The following ZNF536 variants were observed in gnomAD, a reference collection of about 807,000 sequenced individuals.
ZNF536 encodes zinc finger protein 536.
Under a neutral mutation model 84.5 loss-of-function variants are expected in ZNF536, and 13 were observed. That is an observed-to-expected ratio of 0.15 (90% confidence interval 0.10 to 0.24). The LOEUF (loss-of-function observed/expected upper bound fraction) is 0.24. ZNF536 is among the 10% of genes least tolerant of loss of function. The pLI is 1.00. For missense variants in ZNF536, 1,536 were observed against 1,747.5 expected, an observed-to-expected ratio of 0.88 and a Z score of 2.16; for synonymous variants, 811 against 742.5, an observed-to-expected ratio of 1.09 and a Z score of -1.50.
chr19:30,592,469 C>T (rs2047309720), intron 1 of ZNF536, among the ~76,000 whole-genome samples: 1 of 152,126 alleles, frequency 6.6e-6, no homozygotes, highest in South Asian at 2.1e-4. Context: ...GAACCAAGGC[C>T]TCCTTTGCTC....
intron 1 of ZNF536, among the ~76,000 whole-genome samples, chr19:30,244,245 C>G (rs2024123587): frequency 6.6e-6 from 1 of 152,158 alleles, no homozygotes. Flanking sequence ...TCCTTTCCAC[C>G]TGACCCATCC....
intron 1 of ZNF536, among the ~76,000 whole-genome samples, chr19:30,698,744 C>G (rs561599231): frequency 6.6e-6 from 1 of 152,316 alleles, no homozygotes; most frequent in Non-Finnish European, 1.5e-5. Context: ...TGGCTGAGGT[C>G]ATGTTTGTCT....
intron 1 of ZNF536, among the ~76,000 whole-genome samples, chr19:30,274,569 A>C (rs1483988884): frequency 2.0e-5 from 3 of 152,232 alleles, no homozygotes; most frequent in Admixed American, 2.0e-4. Flanking sequence ...CAGCTTGGAC[A>C]GTGCAGTTCT....
At chr19:30,599,981 T>G (rs2047624578) in intron 1 of ZNF536, among the ~76,000 whole-genome samples, 1 of 119,580 alleles carries the variant, frequency 8.4e-6, no homozygotes, top group Non-Finnish European at 2.1e-5. Flanking sequence ...TTCCACGGAG[T>G]GTCACTGGGG....
chr19:30,568,426 T>C (rs1371441602), intron 1 of ZNF536, among the ~76,000 whole-genome samples: 2 of 152,216 alleles, frequency 1.3e-5, no homozygotes, highest in African/African-American at 4.8e-5. Context: ...TATGTTAAAA[T>C]TGAATTGATG....
chr19:30,353,044 G>A (rs892974477), intron 3 of ZNF536, among the ~76,000 whole-genome samples: 4 of 152,220 alleles, frequency 2.6e-5, no homozygotes, highest in Non-Finnish European at 5.9e-5. Flanking sequence ...TCGCTGAAAT[G>A]TGGAAAAGTG....
At chr19:30,652,785 A>G (rs2049757201) in intron 1 of ZNF536, among the ~76,000 whole-genome samples, 1 of 152,116 alleles carries the variant, frequency 6.6e-6, no homozygotes, top group African/African-American at 2.4e-5. Flanking sequence ...GCTGAGTGGC[A>G]TTGTTCCGGT....
At chr19:30,456,644 ATTTG>A (rs2052861029) in intron 2 of ZNF536, among the ~76,000 whole-genome samples, 1 of 152,118 alleles carries the variant, frequency 6.6e-6, no homozygotes, top group Non-Finnish European at 1.5e-5. Context: ...AAATACACTC[ATTTG>A]TTTGTTCAAT....
At chr19:30,437,375 A>G (rs1416169460) in intron 1 of ZNF536, among the ~76,000 whole-genome samples, 1 of 152,248 alleles carries the variant, frequency 6.6e-6, no homozygotes, top group Non-Finnish European at 1.5e-5. Context: ...AATAACCATT[A>G]GCACCATCAA....
intron 1 of ZNF536, among the ~76,000 whole-genome samples, chr19:30,400,294 T>A (rs1279821052): frequency 1.3e-5 from 2 of 152,182 alleles, no homozygotes; most frequent in Non-Finnish European, 2.9e-5. Flanking sequence ...TTTTATTTTT[T>A]AAGAAAATGT....
At chr19:30,614,784 G>A (rs926768221) in intron 1 of ZNF536, among the ~76,000 whole-genome samples, 2 of 150,308 alleles carry the variant, frequency 1.3e-5, no homozygotes, top group African/African-American at 2.4e-5. Context: ...TATTTTTCCC[G>A]GTTTGCCATA....
chr19:30,235,911 C>T (rs972242071), intron 1 of ZNF536, among the ~76,000 whole-genome samples: 2 of 152,202 alleles, frequency 1.3e-5, no homozygotes, highest in Non-Finnish European at 2.9e-5. Flanking sequence ...AAATCTGCAC[C>T]GAGCAGAGAG....
rs756153627 is a variant in ZNF536 at position 30,443,576 on chromosome 19, G to A, written c.14G>A (p.Ser5Asn). The A allele has an allele frequency of 2.1e-5, 33 of 1,551,198 alleles. No homozygotes were observed. Among genetic ancestry groups the A allele is most frequent in the Non-Finnish European group, 2.8e-5 (32 of 1,151,822 alleles). ...CTCTTTTCAGGGATGGAAGAAGCGAGCCTGTGCCTTGGAGTGTCTTCGGCG... is the reference window on the plus strand; with the variant it reads ...CTCTTTTCAGGGATGGAAGAAGCGAACCTGTGCCTTGGAGTGTCTTCGGCG... MEEA[S>N]LCLGVSSAEP... is the part of the protein sequence containing the mutation. The change falls in exon 2 of 5, where the codon AGC becomes AAC. Residue 5 changes from serine to asparagine, a missense_variant. By Grantham distance (46) the Ser-to-Asn change is conservative. Transcript: ENST00000355537.
intron 2 of ZNF536, among the ~76,000 whole-genome samples, chr19:30,472,593 C>T (rs987772748): frequency 2.0e-5 from 3 of 152,178 alleles, no homozygotes; most frequent in Admixed American, 1.3e-4. Flanking sequence ...GATGGATAAA[C>T]GCACTTCGAG....
chr19:30,395,807 T>A (rs927049336), intron 1 of ZNF536, among the ~76,000 whole-genome samples: 11 of 152,350 alleles, frequency 7.2e-5, no homozygotes, highest in Admixed American at 2.0e-4. Flanking sequence ...GTCAGTTACA[T>A]TTTTGTTTTC....
intron 1 of ZNF536, among the ~76,000 whole-genome samples, chr19:30,612,162 T>C (rs1263048339): frequency 6.6e-6 from 1 of 152,226 alleles, no homozygotes; most frequent in African/African-American, 2.4e-5. Context: ...ACTCTTTTAT[T>C]GAGTTTTATG....
chr19:30,411,880 G>A (rs2050510323), intron 1 of ZNF536, among the ~76,000 whole-genome samples: 1 of 151,970 alleles, frequency 6.6e-6, no homozygotes, highest in South Asian at 2.1e-4. Context: ...AAAAATTTAT[G>A]TATTTATGAT....
At chr19:30,313,131 G>A (rs545067057) in intron 2 of ZNF536, among the ~76,000 whole-genome samples, 81 of 152,314 alleles carry the variant, frequency 5.3e-4, no homozygotes, top group African/African-American at 1.9e-3. Context: ...CACAGAGCCC[G>A]GGGCACTCAC....
intron 1 of ZNF536, among the ~76,000 whole-genome samples, chr19:30,385,781 T>C (rs980273670): frequency 6.6e-6 from 1 of 152,184 alleles, no homozygotes; most frequent in Non-Finnish European, 1.5e-5. Flanking sequence ...GCCTCCATCA[T>C]GAATCTCCTG....
Sources: gnomAD v4.1 joint callset for allele counts (sites outside exome capture counted in the v4.1 genomes callset) on GRCh38, gnomAD v4.1.1 for gene constraint, MANE v1.5 for transcripts, NCBI Gene and HGNC (gene_info 2026-07-23, HGNC 2026-07-21) for gene names.